Variants in UNC5B observed in about 807,000 individuals in gnomAD.
UNC5B encodes unc-5 netrin receptor B, also known as netrin receptor UNC5B.
A neutral mutation model predicts 103.7 loss-of-function variants in UNC5B; 56 were observed. The observed-to-expected ratio is 0.54, with a 90% CI of 0.44 to 0.67. The LOEUF (loss-of-function observed/expected upper bound fraction) is 0.67, where lower values mean the gene tolerates loss of function less well. UNC5B is among the 30% of genes least tolerant of loss of function. The pLI is 0.00. For synonymous variants in UNC5B, 577 were observed against 542.0 expected (o/e 1.06, Z -0.90); for missense variants, 1,194 against 1,284.5 (o/e 0.93, Z 1.08).
At chr10:71,238,039 C>T (rs752128958) in intron 1 of UNC5B, among the ~76,000 whole-genome samples, 32 of 152,186 alleles carry the variant, frequency 2.1e-4, no homozygotes, top group Non-Finnish European at 3.7e-4. Context: ...TCATTAACTT[C>T]GCCACAAATA....
chr10:71,235,782 C>T (rs956792980), intron 1 of UNC5B, among the ~76,000 whole-genome samples: 13 of 152,370 alleles, frequency 8.5e-5, no homozygotes, highest in Middle Eastern at 3.4e-3. Flanking sequence ...AGACCAGGCA[C>T]CATTGTGGAA....
intron 1 of UNC5B, among the ~76,000 whole-genome samples, chr10:71,232,434 G>A (rs531909618): frequency 2.6e-5 from 4 of 152,378 alleles, no homozygotes; most frequent in South Asian, 2.1e-4. Context: ...GGAGGAACTC[G>A]TGGAACCTGA....
At position 71,231,142 on chromosome 10, in the gene UNC5B, G is replaced by A. The variant is rs182360830; in HGVS notation, c.79+18078G>A. ...ATGAAAGCTATATAAGCTGTGCATC[G>A]TAAAGTCCCCTTAGCCCAGCAGCCT... On this transcript the variant is annotated intron_variant, in intron 1 of 16. Transcript: ENST00000335350. Among the ~76,000 whole-genome samples, 29 of 152,292 alleles carry A rather than the reference G, an allele frequency of 1.9e-4. No individual in the cohort carries two copies. The South Asian group carries it at 4.4e-3, about 23-fold the overall frequency.
chr10:71,266,447 G>C (rs1222633807), intron 1 of UNC5B, among the ~76,000 whole-genome samples: 1 of 152,190 alleles, frequency 6.6e-6, no homozygotes, highest in African/African-American at 2.4e-5. Flanking sequence ...GACATGGGGA[G>C]CGGGCCGAGC....
Position 71,287,679 on chromosome 10 carries a change from C to T in UNC5B, c.815C>T (p.Thr272Ile), listed in dbSNP as rs907166037. Residue 272 changes from threonine to isoleucine, a missense_variant, in exon 6 of 17, where the codon ACC (threonine) becomes ATC (isoleucine). Transcript: ENST00000335350. ...CGRGWQKRTR[T>I]CTNPAPLNGG... ...CGAGGCTGGCAGAAGCGCACCCGGA[C>T]CTGCACCAACCCCGCTCCACTCAAC... The T allele has an allele frequency of 6.2e-7, 1 of 1,613,240 alleles. No homozygotes were observed. The highest frequency in any genetic ancestry group is 8.5e-7 in the Non-Finnish European group (1 of 1,179,708).
intron 1 of UNC5B, among the ~76,000 whole-genome samples, chr10:71,231,081 G>T (rs1248805960): frequency 1.3e-5 from 2 of 152,204 alleles, no homozygotes; most frequent in Non-Finnish European, 2.9e-5. Flanking sequence ...TCTGTTAAAT[G>T]AGGGGGTTGG....
At chr10:71,243,870 C>G (rs376764447) in intron 1 of UNC5B, among the ~76,000 whole-genome samples, 1 of 152,244 alleles carries the variant, frequency 6.6e-6, no homozygotes, top group Non-Finnish European at 1.5e-5. Flanking sequence ...CGTGAAGGAC[C>G]TTATGTATCA....
intron 2 of UNC5B, among the ~76,000 whole-genome samples, chr10:71,282,443 TG>T (rs1053307159): frequency 6.6e-6 from 1 of 152,180 alleles, no homozygotes; most frequent in Non-Finnish European, 1.5e-5. Context: ...TGATCATGGA[TG>T]AGGTGTCACG....
At position 71,284,787 on chromosome 10, in the gene UNC5B, G is replaced by A. The variant is rs1845025647; in HGVS notation, c.372G>A (p.Glu124=). ...RQQVEELFGL[E]DYWCQCVAWS... is the part of the protein sequence containing the mutation. ...AGGTGGAGGAGCTCTTTGGGCTGGAGGATTACTGGTGCCAGTGCGTGGCCT... is the reference window on the plus strand; with the variant it reads ...AGGTGGAGGAGCTCTTTGGGCTGGAAGATTACTGGTGCCAGTGCGTGGCCT... Residue 124 remains glutamate, a synonymous_variant, in exon 3 of 17, where the codon GAG becomes GAA. Transcript: ENST00000335350. The A allele has an allele frequency of 6.2e-7, 1 of 1,613,998 alleles. No homozygotes were observed. The highest frequency in any genetic ancestry group is 2.2e-5 in the East Asian group (1 of 44,862).
Position 71,236,204 on chromosome 10 carries a change from A to T in UNC5B, c.79+23140A>T, listed in dbSNP as rs752076185. 1.5e-4 allele frequency among the ~76,000 whole-genome samples: 23 copies of T among 152,320 alleles called. No homozygotes were observed. In the Middle Eastern group the frequency reaches 0.014, roughly 90 times the overall value. Reference sequence around the variant, plus strand: ...GGCTTACAGTAGGTGCCCCATAAGTATGAGTATGTCCAGCCCTTGACAGCT... The same window carrying T: ...GGCTTACAGTAGGTGCCCCATAAGTTTGAGTATGTCCAGCCCTTGACAGCT... On this transcript the variant is annotated intron_variant, in intron 1 of 16. Transcript: ENST00000335350.
chr10:71,293,635 G>A (rs1392687694), intron 12 of UNC5B, 62 bp downstream of exon 12: 4 of 1,608,674 alleles, frequency 2.5e-6, no homozygotes, highest in Non-Finnish European at 8.5e-7. Context: ...GCAAAAGAAA[G>A]CCCTTTTCCT....
intron 1 of UNC5B, among the ~76,000 whole-genome samples, chr10:71,260,182 C>T (rs780548542): frequency 6.6e-6 from 1 of 152,244 alleles, no homozygotes; most frequent in Non-Finnish European, 1.5e-5. Flanking sequence ...CTTTTGCCAG[C>T]TGTCTCCAGC....
intron 15 of UNC5B, among the ~76,000 whole-genome samples, chr10:71,297,463 G>A (rs113010597): frequency 1.3e-5 from 2 of 152,284 alleles, no homozygotes; most frequent in African/African-American, 2.4e-5. Context: ...GGCCACCCAG[G>A]GTGACAACAC....
intron 10 of UNC5B, 106 bp downstream of exon 10, chr10:71,291,927 C>A: frequency 7.1e-7 from 1 of 1,413,592 alleles, no homozygotes; most frequent in Non-Finnish European, 9.3e-7. Flanking sequence ...TCCCATCTCA[C>A]AGATGGGGAA....
intron 1 of UNC5B, among the ~76,000 whole-genome samples, chr10:71,257,477 G>A (rs1844317881): frequency 6.6e-6 from 1 of 152,214 alleles, no homozygotes; most frequent in Admixed American, 6.5e-5. Flanking sequence ...TAGTGCCTCA[G>A]TGTATCCCAT....
chr10:71,259,082 G>T (rs896308333), intron 1 of UNC5B, among the ~76,000 whole-genome samples: 5 of 152,192 alleles, frequency 3.3e-5, no homozygotes, highest in Non-Finnish European at 7.3e-5. Context: ...GTGAAGTATG[G>T]CCATTCATTA....
chr10:71,245,715 C>T, intron 1 of UNC5B, among the ~76,000 whole-genome samples: 1 of 152,248 alleles, frequency 6.6e-6, no homozygotes, highest in Non-Finnish European at 1.5e-5. Flanking sequence ...CTGTGAGTCC[C>T]TGCTCCACCC....
Position 71,299,295 on chromosome 10 carries a change from G to C in UNC5B, c.*18G>C. On this transcript the variant is annotated 3_prime_UTR_variant, in exon 17 of 17. Transcript: ENST00000335350. ...ACTGCTGAGCCTCCTGGGACAGCGG[G>C]CTGGCAGGGACTGGCAGGAGGCAGG... The C allele has an allele frequency of 6.2e-7, 1 of 1,612,940 alleles. No individual in the cohort carries two copies. Among genetic ancestry groups the C allele is most frequent in the Non-Finnish European group, 8.5e-7 (1 of 1,179,724 alleles).
chr10:71,248,861 TCTCTCTCACACACACA>T (rs1265288766), intron 1 of UNC5B, among the ~76,000 whole-genome samples: 7 of 36,658 alleles, frequency 1.9e-4, no homozygotes, highest in East Asian at 7.4e-4. Flanking sequence ...TCTCTCTCTC[TCTCTCTCACACACACA>T]CACACACACA....
Sources: gnomAD v4.1 joint callset for allele counts (sites outside exome capture counted in the v4.1 genomes callset) on GRCh38, gnomAD v4.1.1 for gene constraint, MANE v1.5 for transcripts, NCBI Gene and HGNC (gene_info 2026-07-23, HGNC 2026-07-21) for gene names.